CEP128: variants seen among roughly 807,000 people sequenced by gnomAD.
CEP128 encodes the protein centrosomal protein 128kDa.
In CEP128, 132 loss-of-function variants were observed where a neutral mutation model predicts 156.7. That is an observed-to-expected ratio of 0.84 (90% CI 0.73 to 0.97). The LOEUF (loss-of-function observed/expected upper bound fraction) is 0.97. CEP128 is among the 50% of genes least tolerant of loss of function. The probability of loss-of-function intolerance (pLI) is 0.00; values close to 1 mark genes in which losing one functional copy is unlikely to be tolerated. For synonymous variants in CEP128, 469 were observed against 448.9 expected (o/e 1.04, Z -0.57); for missense variants, 1,252 against 1,281.9 (o/e 0.98, Z 0.36).
At chr14:80,898,808 T>C (rs1472408063) in intron 7 of CEP128, among the ~76,000 whole-genome samples, 2 of 152,192 alleles carry the variant, frequency 1.3e-5, no homozygotes. Flanking sequence ...CTCAATAATA[T>C]ATCTCACAAT....
At chr14:80,723,653 T>G (rs955528092) in intron 19 of CEP128, among the ~76,000 whole-genome samples, 7 of 152,212 alleles carry the variant, frequency 4.6e-5, no homozygotes, top group South Asian at 4.1e-4. Flanking sequence ...TTTTAGCACT[T>G]GTTTTTATCC....
rs1429912263 is a variant in CEP128, at chr14:80,530,877, C to T, written c.2890G>A (p.Val964Met). The change falls in exon 22 of 25, where the codon GTG (valine) becomes ATG (methionine). Residue 964 changes from valine (V) to methionine (M), a missense_variant. Physicochemically the swap from Val to Met is conservative, Grantham distance 21. Transcript: ENST00000555265. The part of the protein sequence containing the change: ...RVIALETSTQ[V>M]ALDHLESVPE... Reference sequence around the variant, plus strand: ...ACAGACTCCAGATGGTCCAAGGCCACTTGGGTACTCTGAAATAGAAAACAT... The same window carrying T: ...ACAGACTCCAGATGGTCCAAGGCCATTTGGGTACTCTGAAATAGAAAACAT... 1 of 1,600,850 alleles carries T rather than the reference C, an allele frequency of 6.2e-7. No homozygotes were observed. Among genetic ancestry groups the T allele is most frequent in the South Asian group, 1.1e-5 (1 of 88,218 alleles).
chr14:80,663,358 G>A (rs1895477373), intron 19 of CEP128, among the ~76,000 whole-genome samples: 1 of 152,184 alleles, frequency 6.6e-6, no homozygotes, highest in African/African-American at 2.4e-5. Flanking sequence ...ACGGGACCAG[G>A]CAATATGATC....
At chr14:80,782,557 A>C (rs1200654397) in intron 15 of CEP128, among the ~76,000 whole-genome samples, 2 of 152,060 alleles carry the variant, frequency 1.3e-5, no homozygotes, top group African/African-American at 4.8e-5. Flanking sequence ...GTCCTATTCT[A>C]CTTCAGAGAG....
intron 2 of CEP128, among the ~76,000 whole-genome samples, chr14:80,936,000 AC>A (rs1193331612): frequency 6.6e-6 from 1 of 152,012 alleles, no homozygotes; most frequent in Non-Finnish European, 1.5e-5. Context: ...CATAACCAAA[AC>A]CTAGCAGGCT....
intron 19 of CEP128, among the ~76,000 whole-genome samples, chr14:80,661,508 T>C (rs552124675): frequency 6.6e-6 from 1 of 151,718 alleles, no homozygotes; most frequent in South Asian, 2.1e-4. Context: ...CTCTTAAGAA[T>C]AAAAACAACA....
intron 23 of CEP128, among the ~76,000 whole-genome samples, chr14:80,511,073 T>G (rs1397413484): frequency 6.6e-6 from 1 of 151,446 alleles, no homozygotes; most frequent in East Asian, 1.9e-4. Flanking sequence ...TCCTTTTTTT[T>G]TTTTATATGT....
At chr14:80,694,514 C>T (rs1040891413) in intron 19 of CEP128, among the ~76,000 whole-genome samples, 2 of 152,100 alleles carry the variant, frequency 1.3e-5, no homozygotes, top group East Asian at 1.9e-4. Flanking sequence ...TGCCCATCAA[C>T]GATAGACTGG....
At chr14:80,874,710 C>T (rs1211421756) in intron 8 of CEP128, among the ~76,000 whole-genome samples, 2 of 152,104 alleles carry the variant, frequency 1.3e-5, no homozygotes, top group Admixed American at 1.3e-4. Context: ...CTCCACCTCC[C>T]GGGTTCACGC....
intron 19 of CEP128, among the ~76,000 whole-genome samples, chr14:80,610,596 A>C (rs773792113): frequency 6.6e-6 from 1 of 152,160 alleles, no homozygotes; most frequent in African/African-American, 2.4e-5. Context: ...TCTTAGTAAG[A>C]GCATAAATCA....
intron 13 of CEP128, among the ~76,000 whole-genome samples, chr14:80,816,338 C>T (rs1884856467): frequency 6.6e-6 from 1 of 152,082 alleles, no homozygotes; most frequent in Non-Finnish European, 1.5e-5. Context: ...CTTGGTATTG[C>T]GGAGGCTCCA....
intron 19 of CEP128, among the ~76,000 whole-genome samples, chr14:80,686,185 T>C (rs1180221835): frequency 1.3e-5 from 2 of 151,962 alleles, no homozygotes; most frequent in Admixed American, 1.3e-4. Context: ...GAGAAGATAT[T>C]TGCAAACTAT....
chr14:80,737,186 A>C (rs1237186108), intron 19 of CEP128, among the ~76,000 whole-genome samples: 1 of 152,064 alleles, frequency 6.6e-6, no homozygotes, highest in East Asian at 1.9e-4. Flanking sequence ...CGGGTGGATC[A>C]CAAGGTCAGG....
At chr14:80,944,895 C>A (rs1489206937), upstream of CEP128, among the ~76,000 whole-genome samples, 2 of 130,548 alleles carry the variant, frequency 1.5e-5, no homozygotes, top group African/African-American at 5.5e-5. Context: ...AAAAAAACCA[C>A]TTTCCTTTAT....
chr14:80,567,804 G>C (rs556554361), intron 20 of CEP128, among the ~76,000 whole-genome samples: 1 of 152,246 alleles, frequency 6.6e-6, no homozygotes, highest in East Asian at 1.9e-4. Context: ...ATGGTGGCTA[G>C]GGGCAATGCA....
Position 80,949,471 on chromosome 14 carries a change from A to C in CEP128, c.-172+8707T>G, listed in dbSNP as rs141681606. 7.3e-3 allele frequency among the ~76,000 whole-genome samples: 1,111 copies of C among 152,256 alleles called. 9 individuals carry two copies. The highest frequency in any genetic ancestry group is 0.011 in the Non-Finnish European group (761 of 68,006). ...TGTGAAAAAAATGAGGCTGGAGAAA[A>C]AAGCAACTAGCAAGATTGGAGGTAA... On this transcript the variant is annotated intron_variant, in intron 2 of 7. Transcript: ENST00000555529.
At chr14:80,849,356 C>G (rs1345612450) in intron 9 of CEP128, among the ~76,000 whole-genome samples, 4 of 152,156 alleles carry the variant, frequency 2.6e-5, no homozygotes, top group African/African-American at 9.7e-5. Context: ...CAAGTTCGCC[C>G]ACACTTTGTG....
intron 19 of CEP128, among the ~76,000 whole-genome samples, chr14:80,629,487 A>T (rs1343182038): frequency 6.6e-6 from 1 of 152,078 alleles, no homozygotes; most frequent in Non-Finnish European, 1.5e-5. Flanking sequence ...TCAAAAGTTA[A>T]AAGTAATCCT....
At chr14:80,882,308 C>G (rs1595541700) in intron 8 of CEP128, among the ~76,000 whole-genome samples, 1 of 151,998 alleles carries the variant, frequency 6.6e-6, no homozygotes, top group Non-Finnish European at 1.5e-5. Context: ...AAATGGCAAG[C>G]AGGCATACAA....
Sources: allele counts gnomAD v4.1 joint callset (sites outside exome capture counted in the v4.1 genomes callset), GRCh38; gene constraint gnomAD v4.1.1; transcripts MANE v1.5; gene names NCBI Gene and HGNC (gene_info 2026-07-23, HGNC 2026-07-21).